Variants in SDK1 observed in about 807,000 individuals in gnomAD.
SDK1 encodes sidekick cell adhesion molecule 1, also known as protein sidekick-1.
Under a neutral mutation model 245.5 loss-of-function variants are expected in SDK1, and 157 were observed. The observed-to-expected ratio is 0.64, with a 90% confidence interval of 0.56 to 0.73. The LOEUF is 0.73. SDK1 is among the 30% of genes least tolerant of loss of function. SDK1 has a pLI of 0.00. For synonymous variants in SDK1, 1,647 were observed against 1,278.5 expected, an observed-to-expected ratio of 1.29 and a Z score of -6.15; for missense variants, 3,583 against 3,002.3, an observed-to-expected ratio of 1.19 and a Z score of -4.52.
At chr7:3,534,931 G>T (rs148078707) in intron 1 of SDK1, among the ~76,000 whole-genome samples, 1 of 152,100 alleles carries the variant, frequency 6.6e-6, no homozygotes, top group Non-Finnish European at 1.5e-5. Context: ...CCAGTCAGTG[G>T]ACAGCTCATT....
intron 4 of SDK1, among the ~76,000 whole-genome samples, chr7:3,796,282 C>T (rs111700744): frequency 5.9e-5 from 9 of 152,168 alleles, no homozygotes; most frequent in East Asian, 1.9e-4. Context: ...TCCGTGTCCA[C>T]GGATGGTCAG....
At chr7:3,895,306 T>A (rs570761640) in intron 5 of SDK1, among the ~76,000 whole-genome samples, 1 of 152,226 alleles carries the variant, frequency 6.6e-6, no homozygotes, top group Admixed American at 6.5e-5. Flanking sequence ...GGTGCTTTCA[T>A]CTTTATAGAA....
At chr7:4,049,296 A>T in intron 17 of SDK1, 52 bp from the exon 18 acceptor site, 1 of 1,403,278 alleles carries the variant, frequency 7.1e-7, no homozygotes, top group Non-Finnish European at 1.0e-6. Flanking sequence ...TCTCCACCCC[A>T]TGGTCCCTCC....
At chr7:3,981,257 G>A (rs764938618) in intron 13 of SDK1, among the ~76,000 whole-genome samples, 1 of 152,140 alleles carries the variant, frequency 6.6e-6, no homozygotes, top group East Asian at 1.9e-4. Flanking sequence ...GAGCCACGCC[G>A]ATGTTAAGAT....
At chr7:3,750,090 C>T (rs1004866084) in intron 4 of SDK1, among the ~76,000 whole-genome samples, 1 of 152,034 alleles carries the variant, frequency 6.6e-6, no homozygotes, top group Non-Finnish European at 1.5e-5. Flanking sequence ...ATTTATTGAA[C>T]AAAATTGGCA....
At chr7:3,672,759 T>TATATATATATA (rs1554307103) in intron 4 of SDK1, among the ~76,000 whole-genome samples, 2 of 50,756 alleles carry the variant, frequency 3.9e-5, no homozygotes, top group Admixed American at 2.6e-4. Flanking sequence ...ATATATAATT[T>TATATATATATA]TATATATATA....
intron 5 of SDK1, among the ~76,000 whole-genome samples, chr7:3,871,635 G>A (rs1352648634): frequency 2.0e-5 from 3 of 152,206 alleles, no homozygotes; most frequent in Non-Finnish European, 4.4e-5. Context: ...CCTGTGTGCA[G>A]AGATCCCAGG....
chr7:3,618,979 T>A, intron 1 of SDK1, 101 bp from the exon 2 acceptor site: 1 of 1,021,298 alleles, frequency 9.8e-7, no homozygotes. Flanking sequence ...TCACTTTCAT[T>A]TTAATATTAC....
intron 40 of SDK1, among the ~76,000 whole-genome samples, chr7:4,225,765 C>A (rs56987797): frequency 0.025 from 3,857 of 152,210 alleles, 64 homozygotes; most frequent in African/African-American, 0.036. Flanking sequence ...GGGTTGGGGC[C>A]AGTGTGTGGA....
At chr7:3,672,796 A>ATATATAT (rs1554307151) in intron 4 of SDK1, among the ~76,000 whole-genome samples, 580 of 53,142 alleles carry the variant, frequency 0.011, 5 homozygotes, top group East Asian at 0.018. Context: ...TATATATATA[A>ATATATAT]AAAATACAGA....
chr7:3,573,324 C>T (rs556314646), intron 1 of SDK1, among the ~76,000 whole-genome samples: 29 of 152,206 alleles, frequency 1.9e-4, no homozygotes, highest in Admixed American at 4.6e-4. Flanking sequence ...CATGTGATTA[C>T]GCAGAGGCGG....
intron 4 of SDK1, among the ~76,000 whole-genome samples, chr7:3,689,169 C>A (rs772139739): frequency 1.3e-5 from 2 of 152,128 alleles, no homozygotes; most frequent in African/African-American, 2.4e-5. Flanking sequence ...TGGCCCTTTA[C>A]AGAAAATGCT....
chr7:3,368,631 C>G (rs896733484), intron 1 of SDK1, among the ~76,000 whole-genome samples: 1 of 152,164 alleles, frequency 6.6e-6, no homozygotes. Flanking sequence ...CTTGGAGAGC[C>G]TGTCGGGTGA....
At chr7:3,388,468 A>G (rs186326314) in intron 1 of SDK1, among the ~76,000 whole-genome samples, 78 of 152,166 alleles carry the variant, frequency 5.1e-4, no homozygotes, top group African/African-American at 1.8e-3. Context: ...TGGCAAGATC[A>G]TAGCTCATTG....
intron 1 of SDK1, among the ~76,000 whole-genome samples, chr7:3,551,451 A>G (rs1779407802): frequency 6.6e-6 from 1 of 152,288 alleles, no homozygotes; most frequent in South Asian, 2.1e-4. Context: ...AGCAAGCCTA[A>G]AGTTGGACAC....
intron 4 of SDK1, among the ~76,000 whole-genome samples, chr7:3,651,896 C>T (rs992048948): frequency 3.3e-5 from 5 of 152,002 alleles, no homozygotes; most frequent in African/African-American, 1.2e-4. Flanking sequence ...CATGGAGTTC[C>T]GTGTCAGCTA....
chr7:3,522,704 CGTGCTATCCTAATCTGCAGAG>C (rs960546773), intron 1 of SDK1, among the ~76,000 whole-genome samples: 1 of 152,070 alleles, frequency 6.6e-6, no homozygotes, highest in African/African-American at 2.4e-5. Context: ...AACCGGGGGA[CGTGCTATCCTAATCTGCAGAG>C]GTGCTATCCT....
intron 5 of SDK1, among the ~76,000 whole-genome samples, chr7:3,939,109 C>G (rs1299304898): frequency 6.6e-6 from 1 of 152,230 alleles, no homozygotes. Flanking sequence ...CCCTTTCCCT[C>G]CCTCCTGCTG....
intron 1 of SDK1, among the ~76,000 whole-genome samples, chr7:3,517,746 T>G (rs1782798624): frequency 6.6e-6 from 1 of 152,190 alleles, no homozygotes; most frequent in South Asian, 2.1e-4. Context: ...GTATTGCCAC[T>G]AGTGCTTCCT....
Sources: gnomAD v4.1 joint callset for allele counts (sites outside exome capture counted in the v4.1 genomes callset) on GRCh38, gnomAD v4.1.1 for gene constraint, MANE v1.5 for transcripts, NCBI Gene and HGNC (gene_info 2026-07-23, HGNC 2026-07-21) for gene names.